The following TLR7 variants were observed in gnomAD, a reference collection of about 807,000 sequenced individuals.
TLR7 encodes toll like receptor 7.
In TLR7, 12 loss-of-function variants were observed where a neutral mutation model predicts 38.3. The ratio of observed to expected loss-of-function variants is 0.31; its 90% confidence interval spans 0.20 to 0.51. The LOEUF is 0.51. TLR7 is among the 20% of genes least tolerant of loss of function. TLR7 has a pLI of 0.98. For missense variants in TLR7, 504 were observed against 743.4 expected, an observed-to-expected ratio of 0.68 and a Z score of 3.74; for synonymous variants, 285 against 293.8, an observed-to-expected ratio of 0.97 and a Z score of 0.31.
intron 2 of TLR7, 56 bp downstream of exon 2, chrX:12,867,637 A>T (rs1319516806): frequency 2.0e-5 from 23 of 1,124,978 alleles, no homozygotes; most frequent in Non-Finnish European, 2.7e-5. Flanking sequence ...TGTGGAAACA[A>T]CTGAAACCAG....
intron 2 of TLR7, among the ~76,000 whole-genome samples, chrX:12,877,992 G>A (rs1486262755): frequency 8.9e-6 from 1 of 111,858 alleles, no homozygotes; most frequent in Non-Finnish European, 1.9e-5. Context: ...TCCTAATGAT[G>A]GAGTATATGT....
At chrX:12,875,502 T>C (rs939005632) in intron 2 of TLR7, among the ~76,000 whole-genome samples, 11 of 112,207 alleles carry the variant, frequency 9.8e-5, no homozygotes, top group Non-Finnish European at 2.1e-4. Flanking sequence ...CTGGATGATA[T>C]GGTTTAGCTG....
At chrX:12,878,765 C>T (rs184976849) in intron 2 of TLR7, among the ~76,000 whole-genome samples, 44 of 111,468 alleles carry the variant, frequency 3.9e-4, no homozygotes, top group African/African-American at 1.4e-3. Context: ...CCTGAGGCTG[C>T]ATGAGTCAAG....
chrX:12,887,887 G>T lies in TLR7; in HGVS notation c.2379G>T (p.Trp793Cys). The stretch of plus-strand genomic sequence containing the variant: ...TTCTGTGCACCTGTGATGCTGTGTG[G>T]TTTGTCTGGTGGGTTAACCATACGG... ...NRFLCTCDAV[W>C]FVWWVNHTEV... The change falls in exon 3 of 3, where the codon TGG becomes TGT. Residue 793 changes from tryptophan (W) to cysteine (C), a missense_variant. By Grantham distance (215) the Trp-to-Cys change is radical. Transcript: ENST00000380659. The T allele has an allele frequency of 8.3e-7, 1 of 1,211,708 alleles. No homozygotes were observed. The highest frequency in any genetic ancestry group is 1.1e-6 in the Non-Finnish European group (1 of 895,514).
chrX:12,877,325 C>CTTTTT (rs35834578), intron 2 of TLR7: 2 of 88,128 alleles, frequency 2.3e-5, no homozygotes, highest in Non-Finnish European at 2.3e-5. Flanking sequence ...CCTTCACCTG[C>CTTTTT]TTTTTTTTTT....
At chrX:12,869,218 C>T (rs200375722) in intron 2 of TLR7, among the ~76,000 whole-genome samples, 10 of 111,486 alleles carry the variant, frequency 9.0e-5, no homozygotes, top group South Asian at 3.8e-4. Flanking sequence ...TAAGAAAAGA[C>T]GTGAAAATAA....
rs1209673219 is a variant in TLR7, at chrX:12,886,119, C to T, written c.611C>T (p.Thr204Ile). 2.1e-5 allele frequency: 26 copies of T among 1,210,206 alleles called. No homozygotes were observed. Among genetic ancestry groups the T allele is most frequent in the Non-Finnish European group, 2.6e-5 (23 of 895,154 alleles). Residue 204 changes from threonine to isoleucine, a missense_variant, in exon 3 of 3, where the codon ACA becomes ATA. Coordinates refer to ENST00000380659, the MANE Select transcript of TLR7 (RefSeq NM_016562.4). ...GAGAAAGATGCCTTCCTAAACTTGA[C>T]AAAGTTAAAAGTGCTCTCCCTGAAA... Reference protein sequence around the residue: ...SIEKDAFLNLTKLKVLSLKDN... With the variant: ...SIEKDAFLNLIKLKVLSLKDN...
chrX:12,888,652 G>A lies in TLR7; in HGVS notation c.3144G>A (p.Thr1048=), dbSNP rs1176783122. ...HVAYSQVFKE[T]V is the part of the protein sequence containing the mutation. The stretch of plus-strand genomic sequence containing the variant: ...CCTATAGTCAGGTGTTCAAGGAAAC[G>A]GTCTAGCCCTTCTTTGCAAAACACA... Residue 1048 remains threonine, a synonymous_variant, in exon 3 of 3, where the codon ACG becomes ACA. Coordinates refer to ENST00000380659, the MANE Select transcript of TLR7 (RefSeq NM_016562.4). 6 of 1,187,590 alleles carry A rather than the reference G, an allele frequency of 5.1e-6. No homozygotes were observed. Among genetic ancestry groups the A allele is most frequent in the Non-Finnish European group, 5.7e-6 (5 of 884,135 alleles).
At chrX:12,877,154 C>T (rs1042277463) in intron 2 of TLR7, among the ~76,000 whole-genome samples, 2 of 111,495 alleles carry the variant, frequency 1.8e-5, no homozygotes, top group Non-Finnish European at 3.8e-5. Flanking sequence ...TTTAAGTCAT[C>T]TTCTCTAGAT....
Position 12,888,052 on chromosome X carries a change from T to C in TLR7, c.2544T>C (p.Ser848=), listed in dbSNP as rs1449482322. The C allele has an allele frequency of 1.7e-6, 2 of 1,210,062 alleles. No individual in the cohort carries two copies. Among genetic ancestry groups the C allele is most frequent in the Admixed American group, 2.2e-5 (1 of 45,832 alleles). ...TGATTCTGTTCTCACTTTCCATATC[T>C]GTATCTCTCTTTCTCATGGTGATGA... is the stretch of plus-strand genomic sequence containing the variant. ...TNLILFSLSI[S]VSLFLMVMMT... Residue 848 remains serine (S), a synonymous_variant, in exon 3 of 3, where the codon TCT becomes TCC. Transcript: ENST00000380659.
chrX:12,877,511 G>A (rs1474730113), intron 2 of TLR7: 2 of 110,191 alleles, frequency 1.8e-5, no homozygotes, highest in Non-Finnish European at 3.8e-5. Context: ...CAGGCTTCCC[G>A]TGCAGCCGGT....
At chrX:12,871,664 T>G (rs1405462835) in intron 2 of TLR7, among the ~76,000 whole-genome samples, 1 of 111,508 alleles carries the variant, frequency 9.0e-6, no homozygotes. Flanking sequence ...CAACTTGGCT[T>G]TTTTCTGCTC....
At chrX:12,884,040 T>C (rs1001405175) in intron 2 of TLR7, among the ~76,000 whole-genome samples, 1 of 111,426 alleles carries the variant, frequency 9.0e-6, no homozygotes, top group African/African-American at 3.3e-5. Context: ...GGTGCAGTGG[T>C]GTGATCACGG....
In TLR7 at chrX:12,886,065, G is replaced by GA; in HGVS notation, c.560dup (p.Asn187LysfsTer28). On this transcript the variant is annotated frameshift_variant, in exon 3 of 3. Coordinates refer to ENST00000380659, the MANE Select transcript of TLR7 (RefSeq NM_016562.4). LOFTEE classifies it high-confidence loss of function. The stretch of plus-strand genomic sequence containing the variant: ...TACCTGGGCCAAAACTGTTATTATC[G>GA]AAATCCTTGTTATGTTTCATATTCA... 8.3e-7 allele frequency: 1 copy of GA among 1,210,682 alleles called. No homozygotes were observed.
chrX:12,880,853 G>A (rs910692897), intron 2 of TLR7, among the ~76,000 whole-genome samples: 1 of 111,139 alleles, frequency 9.0e-6, no homozygotes, highest in East Asian at 2.8e-4. Context: ...GGCTATGACC[G>A]AAATCAAACA....
chrX:12,873,017 A>G (rs1269192432), intron 2 of TLR7, among the ~76,000 whole-genome samples: 1 of 110,738 alleles, frequency 9.0e-6, no homozygotes, highest in Admixed American at 9.6e-5. Flanking sequence ...ATGCTCAGGG[A>G]CACTCCCTCT....
chrX:12,867,659 A>C, intron 2 of TLR7, 78 bp downstream of exon 2: 1 of 980,751 alleles, frequency 1.0e-6, no homozygotes, highest in Non-Finnish European at 1.4e-6. Context: ...TGGCAAGAGC[A>C]ATATTGAAGA....
At chrX:12,881,686 C>G (rs1298758850) in intron 2 of TLR7, among the ~76,000 whole-genome samples, 1 of 109,186 alleles carries the variant, frequency 9.2e-6, no homozygotes, top group African/African-American at 3.3e-5. Context: ...TGCCCCAGGC[C>G]TCAATAGTTA....
rs138717086 is a variant in TLR7 at position 12,886,106 on chromosome X, T to C, written c.598T>C (p.Phe200Leu). Reference protein sequence around the residue: ...YVSYSIEKDAFLNLTKLKVLS... With the variant: ...YVSYSIEKDALLNLTKLKVLS... Reference sequence around the variant, plus strand: ...TTCATATTCAATAGAGAAAGATGCCTTCCTAAACTTGACAAAGTTAAAAGT... The same window carrying C: ...TTCATATTCAATAGAGAAAGATGCCCTCCTAAACTTGACAAAGTTAAAAGT... Residue 200 changes from phenylalanine to leucine, a missense_variant, in exon 3 of 3, where the codon TTC becomes CTC. Physicochemically the swap from Phe to Leu is conservative, Grantham distance 22 (BLOSUM62 0). Transcript: ENST00000380659. The C allele has an allele frequency of 6.6e-6, 8 of 1,210,142 alleles. No homozygotes were observed. The Admixed American group carries it at 1.1e-4, about 17-fold the overall frequency.
Sources: gnomAD v4.1 joint callset for allele counts (sites outside exome capture counted in the v4.1 genomes callset) on GRCh38, gnomAD v4.1.1 for gene constraint, MANE v1.5 for transcripts, NCBI Gene and HGNC (gene_info 2026-07-23, HGNC 2026-07-21) for gene names.